HHAT: variants seen among roughly 807,000 people sequenced by gnomAD.
HHAT encodes the protein hedgehog acyltransferase.
Under a neutral mutation model 70.8 loss-of-function variants are expected in HHAT, and 47 were observed. That is an observed-to-expected ratio of 0.66 (90% CI 0.53 to 0.85). The LOEUF is 0.85. HHAT is among the 40% of genes least tolerant of loss of function. The pLI is 0.00. For missense variants in HHAT, 609 were observed against 604.8 expected (o/e 1.01, Z -0.07); for synonymous variants, 228 against 247.6 (o/e 0.92, Z 0.74).
chr1:210,359,088 G>A (rs2087965689), intron 2 of HHAT, among the ~76,000 whole-genome samples: 1 of 152,138 alleles, frequency 6.6e-6, no homozygotes, highest in South Asian at 2.1e-4. Flanking sequence ...AATAGAACCA[G>A]GGCACTGGAA....
intron 7 of HHAT, among the ~76,000 whole-genome samples, chr1:210,427,458 C>T (rs1292136864): frequency 3.9e-5 from 6 of 152,174 alleles, no homozygotes; most frequent in East Asian, 3.8e-4. Flanking sequence ...AACTTTCCCT[C>T]TTAACATTGC....
chr1:210,624,716 A>G (rs1008528118), intron 11 of HHAT, among the ~76,000 whole-genome samples: 1 of 152,226 alleles, frequency 6.6e-6, no homozygotes, highest in Non-Finnish European at 1.5e-5. Flanking sequence ...TATGGTCACC[A>G]TTTCCCTTGG....
chr1:210,447,482 C>T (rs1366415575), intron 7 of HHAT, among the ~76,000 whole-genome samples: 1 of 152,170 alleles, frequency 6.6e-6, no homozygotes, highest in South Asian at 2.1e-4. Flanking sequence ...TTTAATCATA[C>T]CCTTGGAAAG....
intron 6 of HHAT, among the ~76,000 whole-genome samples, chr1:210,417,457 A>G (rs935799329): frequency 6.6e-6 from 1 of 151,824 alleles, no homozygotes; most frequent in Non-Finnish European, 1.5e-5. Flanking sequence ...CTGGTCTCGA[A>G]CTCCTGACCT....
intron 3 of HHAT, among the ~76,000 whole-genome samples, chr1:210,370,637 C>T (rs12049137): frequency 0.16 from 15,398 of 96,930 alleles, 1,188 homozygotes; most frequent in East Asian, 0.33. Flanking sequence ...TTTTTGGAGA[C>T]GGAGTCTCAC....
chr1:210,351,335 T>C (rs2086998807), intron 2 of HHAT, among the ~76,000 whole-genome samples: 2 of 152,306 alleles, frequency 1.3e-5, no homozygotes, highest in South Asian at 4.1e-4. Flanking sequence ...CTGTATCTGA[T>C]TCAAATGCTT....
intron 7 of HHAT, among the ~76,000 whole-genome samples, chr1:210,419,565 C>G (rs1440521856): frequency 6.6e-6 from 1 of 152,184 alleles, no homozygotes; most frequent in African/African-American, 2.4e-5. Flanking sequence ...TCAAGCTGTT[C>G]CCTGCTGAGG....
At chr1:210,509,037 C>T (rs1319522235) in intron 8 of HHAT, among the ~76,000 whole-genome samples, 1 of 152,160 alleles carries the variant, frequency 6.6e-6, no homozygotes, top group African/African-American at 2.4e-5. Context: ...AGGACACTTT[C>T]CTATGTACTA....
chr1:210,465,683 A>G (rs912599566), intron 8 of HHAT, among the ~76,000 whole-genome samples: 2 of 152,218 alleles, frequency 1.3e-5, no homozygotes, highest in Non-Finnish European at 2.9e-5. Context: ...GAAGAGCTCA[A>G]TAAATACTGC....
At chr1:210,454,814 A>G (rs1478237134) in intron 7 of HHAT, among the ~76,000 whole-genome samples, 7 of 152,104 alleles carry the variant, frequency 4.6e-5, no homozygotes, top group Non-Finnish European at 1.0e-4. Flanking sequence ...TTAAGAAGCA[A>G]TTTTCCAAAA....
At position 210,404,490 on chromosome 1, in the gene HHAT, G is replaced by A. The variant is rs145158271; in HGVS notation, c.495G>A (p.Glu165=). Residue 165 remains glutamate (E), a synonymous_variant, in exon 6 of 12, where the codon GAG becomes GAA. Transcript: ENST00000261458. ...GAAGGTGGTACAAGACAGAAAACGA[G>A]TACTACCTGCTGCAGTTCACGCTGA... is the stretch of plus-strand genomic sequence containing the variant. ...VKRRWYKTEN[E]YYLLQFTLTV... 49 of 1,612,614 alleles carry A rather than the reference G, an allele frequency of 3.0e-5. No individual in the cohort carries two copies. In the African/African-American group the frequency reaches 3.1e-4, roughly 10 times the overall value.
At chr1:210,384,567 T>C (rs3765869) in intron 3 of HHAT, among the ~76,000 whole-genome samples, 125,160 of 152,158 alleles carry the variant, frequency 0.82, 52,112 homozygotes, top group African/African-American at 0.95. Flanking sequence ...TTGTGTCCAC[T>C]TTGAGGTTGG....
intron 9 of HHAT, among the ~76,000 whole-genome samples, chr1:210,558,907 G>A (rs1298664789): frequency 3.3e-5 from 5 of 152,170 alleles, no homozygotes; most frequent in African/African-American, 1.2e-4. Context: ...TAGTGCTAAT[G>A]ATGAGGTCCT....
chr1:210,651,415 AGAAAGCAGTTACTGCC>A (rs1220277081), intron 11 of HHAT, among the ~76,000 whole-genome samples: 2 of 152,234 alleles, frequency 1.3e-5, no homozygotes, highest in Non-Finnish European at 2.9e-5. Context: ...GAGTAACTGT[AGAAAGCAGTTACTGCC>A]CCTAGGGTTG....
intron 10 of HHAT, among the ~76,000 whole-genome samples, chr1:210,590,924 C>T (rs1038951640): frequency 2.0e-5 from 3 of 151,974 alleles, no homozygotes; most frequent in African/African-American, 7.2e-5. Context: ...ATCTTCTTTA[C>T]AAAAAATGTT....
At chr1:210,665,626 A>G (rs1482839796) in intron 11 of HHAT, among the ~76,000 whole-genome samples, 2 of 152,236 alleles carry the variant, frequency 1.3e-5, no homozygotes, top group Admixed American at 6.5e-5. Flanking sequence ...GGAGGAAGTT[A>G]AGGCAGTATT....
At chr1:210,626,761 C>T (rs1229240779) in intron 11 of HHAT, among the ~76,000 whole-genome samples, 4 of 152,130 alleles carry the variant, frequency 2.6e-5, no homozygotes, top group Non-Finnish European at 5.9e-5. Flanking sequence ...AATAATGAGT[C>T]TATACGATGC....
At chr1:210,449,047 A>G (rs1299069588) in intron 7 of HHAT, among the ~76,000 whole-genome samples, 1 of 144,888 alleles carries the variant, frequency 6.9e-6, no homozygotes, top group East Asian at 2.0e-4. Context: ...CACACCATGC[A>G]TGACACACAC....
At chr1:210,597,463 G>T (rs1663261671) in intron 10 of HHAT, among the ~76,000 whole-genome samples, 1 of 84,160 alleles carries the variant, frequency 1.2e-5, no homozygotes, top group African/African-American at 2.8e-5. Context: ...TGCCATCCAG[G>T]AGCCAGGTCC....
Sources: allele counts gnomAD v4.1 joint callset (sites outside exome capture counted in the v4.1 genomes callset), GRCh38; gene constraint gnomAD v4.1.1; transcripts MANE v1.5; gene names NCBI Gene and HGNC (gene_info 2026-07-23, HGNC 2026-07-21).